MTERF4: variants seen among roughly 807,000 people sequenced by gnomAD.
The protein encoded by MTERF4 is mitochondrial transcription termination factor 4.
Under a neutral mutation model 22.5 loss-of-function variants are expected in MTERF4, and 17 were observed. The observed-to-expected ratio is 0.75, with a 90% CI of 0.52 to 1.13. The LOEUF (loss-of-function observed/expected upper bound fraction) is 1.13, where lower values mean the gene tolerates loss of function less well. Ranked by LOEUF, MTERF4 falls within the 50% of genes most tolerant of loss-of-function variation. MTERF4 has a pLI of 0.00. For missense variants in MTERF4, 420 were observed against 466.8 expected (o/e 0.90, Z 0.92); for synonymous variants, 165 against 175.3 (o/e 0.94, Z 0.47).
At chr2:241,088,279 C>CA, downstream of MTERF4, 1 of 934,090 alleles carries the variant, frequency 1.1e-6, no homozygotes, top group Non-Finnish European at 1.8e-6. Flanking sequence ...GACAGGATCT[C>CA]AGCAGGCAGC....
chr2:241,071,328 G>A, downstream of MTERF4: 1 of 580,948 alleles, frequency 1.7e-6, no homozygotes, highest in South Asian at 2.0e-5. Flanking sequence ...ATGACTCCCA[G>A]GCCAGTGCAC....
downstream of MTERF4, among the ~76,000 whole-genome samples, chr2:241,086,165 C>G (rs2063563765): frequency 6.6e-6 from 1 of 152,166 alleles, no homozygotes; most frequent in African/African-American, 2.4e-5. Flanking sequence ...CCGCACCTGG[C>G]CCTGTCTGGG....
rs887031840 is a variant in MTERF4, at chr2:241,073,562, CG to C, written n.2599del. ...CACCCAAGCAGTGGGACCCCACAGA[CG>C]GGAACAGGCCAGGGGGCAGGACCCA... On this transcript the variant is annotated non_coding_transcript_exon_variant, in exon 5 of 5. Transcript: ENST00000464344. The surrounding 1 kb of genome is among the most constrained non-coding windows in gnomAD (Gnocchi z 6.6). 1 of 627,888 alleles carries C rather than the reference CG, an allele frequency of 1.6e-6. No individual in the cohort carries two copies. The highest frequency in any genetic ancestry group is 1.8e-5 in the African/African-American group (1 of 54,882). 38.9% of individuals were successfully genotyped at this position (627,888 alleles called of 1,614,324 possible). A position where few individuals can be genotyped will look rare whatever the true frequency, so the allele number is the denominator to read the frequency against.
chr2:241,095,058 A>AAGCCCCC (rs1444807098), downstream of MTERF4: 5 of 47,968 alleles, frequency 1.0e-4, no homozygotes, highest in African/African-American at 2.9e-4. Flanking sequence ...CTAAGGTGAC[A>AAGCCCCC]CGCCCCCCCC....
At chr2:241,063,784 C>A in the MTERF4 span, 3 of 1,089,254 alleles carry the variant, frequency 2.8e-6, no homozygotes, top group Admixed American at 7.0e-5. Flanking sequence ...CCCACATTCC[C>A]TGCTGGGCAG....
chr2:241,097,570 A>C (rs2064512529), intron 2 of MTERF4, 143 bp from the exon 3 acceptor site: 1 of 721,128 alleles, frequency 1.4e-6, no homozygotes, highest in Non-Finnish European at 2.3e-6. Context: ...TTTCAGATCT[A>C]TCTTCCCAGA....
the MTERF4 span, among the ~76,000 whole-genome samples, chr2:241,046,495 A>C: frequency 6.6e-6 from 1 of 152,388 alleles, no homozygotes; most frequent in African/African-American, 2.4e-5. Context: ...ATAGATACAT[A>C]CGACAACTTA....
rs2062871865 is a variant in MTERF4 at position 241,073,848 on chromosome 2, C to T, written n.2314G>A. ...GCAGGACCTGAACTGTCTCCTAGTC[C>T]GGGGCTCTGCCTCGTGAGGATCGAG... On this transcript the variant is annotated non_coding_transcript_exon_variant, in exon 5 of 5. Transcript: ENST00000464344. The surrounding 1 kb of genome is among the most constrained non-coding windows in gnomAD (Gnocchi z 6.6). 1.0e-5 allele frequency: 2 copies of T among 196,306 alleles called. No individual in the cohort carries two copies. Among genetic ancestry groups the T allele is most frequent in the Admixed American group, 5.6e-5 (1 of 17,722 alleles). The allele number at this position is 196,306 out of a possible 1,614,324, so 12.2% of individuals were successfully genotyped here.
At chr2:241,086,240 C>T (rs114084695), downstream of MTERF4, among the ~76,000 whole-genome samples, 616 of 152,312 alleles carry the variant, frequency 4.0e-3, 3 homozygotes, top group African/African-American at 0.014. Flanking sequence ...TTCAACTCCT[C>T]AGTAGTTCTT....
At position 241,081,549 on chromosome 2, in the gene MTERF4, C is replaced by T. The variant is rs758082; in HGVS notation, n.480-5867G>A. 0.013 allele frequency: 8,819 copies of T among 698,664 alleles called. 519 individuals are homozygous for T. The African/African-American group carries it at 0.13, about 10-fold the overall frequency. The allele number at this position is 698,664 out of a possible 1,614,324, so 43.3% of individuals were successfully genotyped here. On this transcript the variant is annotated intron_variant and non_coding_transcript_variant, in intron 4 of 4. Transcript: ENST00000464344. ...GGCCCAGAGGCGTTTGGGAGGCCAC[C>T]GCAGCACACCACAGAGGAGTGCACG...
At position 241,073,985 on chromosome 2, in the gene MTERF4, C is replaced by T. The variant is rs2062879584; in HGVS notation, n.2177G>A. The T allele has an allele frequency of 6.5e-6, 1 of 153,588 alleles. No homozygotes were observed. Among genetic ancestry groups the T allele is most frequent in the African/African-American group, 2.4e-5 (1 of 41,466 alleles). 9.5% of individuals were successfully genotyped at this position (153,588 alleles called of 1,614,324 possible). On this transcript the variant is annotated non_coding_transcript_exon_variant, in exon 5 of 5. Transcript: ENST00000464344. This position sits in a 1 kb window ranked among gnomAD's most constrained non-coding sequence, Gnocchi z 6.6. The stretch of plus-strand genomic sequence containing the variant: ...GCAGCACCAATACATGTGTGTTCCT[C>T]ACCCTGAGTCAGACTCTACCTTTCT...
At chr2:241,051,587 T>C in the MTERF4 span, 1 of 560,132 alleles carries the variant, frequency 1.8e-6, no homozygotes. The surrounding 1 kb of genome is among the most constrained non-coding windows in gnomAD (Gnocchi z 4.7). Context: ...CCACCATGTG[T>C]GCGGACCTGC....
chr2:241,067,645 C>T (rs551147354), downstream of MTERF4: 2 of 760,628 alleles, frequency 2.6e-6, no homozygotes, highest in South Asian at 2.1e-5. Context: ...ATGGGACACC[C>T]TCTCCAGTGC....
chr2:241,069,228 C>T (rs1331239366), downstream of MTERF4, among the ~76,000 whole-genome samples: 1 of 152,206 alleles, frequency 6.6e-6, no homozygotes, highest in African/African-American at 2.4e-5. The surrounding 1 kb of genome is among the most constrained non-coding windows in gnomAD (Gnocchi z 4.9). Context: ...CTGTCCAGGG[C>T]AGTCTCCATC....
the MTERF4 span, among the ~76,000 whole-genome samples, chr2:241,059,507 T>C: frequency 6.6e-6 from 1 of 152,180 alleles, no homozygotes; most frequent in South Asian, 2.1e-4. Context: ...GACTGGTATC[T>C]CTCAAGAACA....
the MTERF4 span, among the ~76,000 whole-genome samples, chr2:241,061,666 C>T: frequency 1.3e-5 from 2 of 152,072 alleles, no homozygotes; most frequent in South Asian, 4.2e-4. Flanking sequence ...GCAGGCGGAT[C>T]ACGAAGTCAG....
chr2:241,102,262 G>T lies in MTERF4; in HGVS notation c.12C>A (p.Phe4Leu). Reference protein sequence around the residue: MAAFGRQVLDWHRL... With the variant: MAALGRQVLDWHRL... Reference sequence around the variant, plus strand: ...CCCAGCTCGAGCTTACCTGACGGCCGAACGCAGCCATAGCGCGGAGAAGAT... The same window carrying T: ...CCCAGCTCGAGCTTACCTGACGGCCTAACGCAGCCATAGCGCGGAGAAGAT... Residue 4 changes from phenylalanine (F) to leucine (L), a missense_variant, in exon 1 of 4, where the codon TTC (phenylalanine) becomes TTA (leucine). Physicochemically the swap from Phe to Leu is conservative, Grantham distance 22. Coordinates refer to ENST00000391980, the MANE Select transcript of MTERF4 (RefSeq NM_182501.4). 6.5e-7 allele frequency: 1 copy of T among 1,549,456 alleles called. No homozygotes were observed. Among genetic ancestry groups the T allele is most frequent in the Non-Finnish European group, 8.7e-7 (1 of 1,146,170 alleles).
the MTERF4 span, among the ~76,000 whole-genome samples, chr2:241,047,904 T>C: frequency 6.6e-6 from 1 of 151,792 alleles, no homozygotes; most frequent in African/African-American, 2.4e-5. Flanking sequence ...GGGTGGTCTC[T>C]CCGGTGCTTC....
the MTERF4 span, chr2:241,063,802 G>C: frequency 5.3e-6 from 5 of 947,430 alleles, no homozygotes; most frequent in East Asian, 1.1e-4. Flanking sequence ...CAGGCCACCT[G>C]GGGAGAGGGA....
Sources: gnomAD v4.1 joint callset for allele counts (sites outside exome capture counted in the v4.1 genomes callset) on GRCh38, gnomAD v4.1.1 for gene constraint, Gnocchi (gnomAD v3.1) non-coding constraint, MANE v1.5 for transcripts, NCBI Gene and HGNC (gene_info 2026-07-23, HGNC 2026-07-21) for gene names.